The following RIC1 variants were observed in gnomAD, a reference collection of about 807,000 sequenced individuals.
RIC1 encodes RIC1 partner of RAB6A GEF complex.
A neutral mutation model predicts 169.0 loss-of-function variants in RIC1; 88 were observed. The observed-to-expected ratio is 0.52, with a 90% CI of 0.44 to 0.62. The LOEUF (loss-of-function observed/expected upper bound fraction) is 0.62. Among genes scored for constraint, RIC1 ranks in the 20% least tolerant of loss-of-function variants. The pLI is 0.00. For missense variants in RIC1, 1,877 were observed against 1,725.5 expected, an observed-to-expected ratio of 1.09 and a Z score of -1.56; for synonymous variants, 790 against 601.5, an observed-to-expected ratio of 1.31 and a Z score of -4.59.
In RIC1 at chr9:5,720,231, C is replaced by T. The variant is rs1823502773; in HGVS notation, c.490C>T (p.Leu164Phe). The part of the protein sequence containing the change: ...DLLVATSDGL[L>F]HLIHWEGMTN... ...CCTGGTTGCTACTTCTGATGGACTT[C>T]TTCATCTTATTCACTGGGAAGGAAT... is the stretch of plus-strand genomic sequence containing the variant. The change falls in exon 5 of 26, where the codon CTT becomes TTT. Residue 164 changes from leucine to phenylalanine, a missense_variant. Coordinates refer to ENST00000414202, the MANE Select transcript of RIC1 (RefSeq NM_020829.4). The T allele has an allele frequency of 2.5e-6, 4 of 1,613,234 alleles. No homozygotes were observed. The highest frequency in any genetic ancestry group is 3.4e-6 in the Non-Finnish European group (4 of 1,179,174).
chr9:5,744,074 C>T (rs1032351014), intron 10 of RIC1, among the ~76,000 whole-genome samples: 10 of 152,112 alleles, frequency 6.6e-5, no homozygotes, highest in African/African-American at 2.4e-4. Flanking sequence ...TTAGTCTCAG[C>T]AGACTCTTCA....
chr9:5,770,500 T>C (rs1827134761), intron 23 of RIC1, among the ~76,000 whole-genome samples: 1 of 152,212 alleles, frequency 6.6e-6, no homozygotes, highest in Non-Finnish European at 1.5e-5. Context: ...CAGATCAACA[T>C]TAATAGATGA....
Position 5,738,545 on chromosome 9 carries a change from CTTTTTTTTTTTT to C in RIC1, c.901+17_901+28del. ...ACAGCAAAACAGTATCCTGGTGAGT[CTTTTTTTTTTTT>C]TTTTTTTTTAACATTTTTAATGTAC... On this transcript the variant is annotated splice_region_variant and intron_variant, in intron 8 of 25. Transcript: ENST00000414202. 1 of 815,012 alleles carries C rather than the reference CTTTTTTTTTTTT, an allele frequency of 1.2e-6. No individual in the cohort carries two copies. Among genetic ancestry groups the C allele is most frequent in the African/African-American group, 2.2e-5 (1 of 45,418 alleles). 50.5% of individuals were successfully genotyped at this position (815,012 alleles called of 1,614,324 possible).
At position 5,763,970 on chromosome 9, in the gene RIC1, T is replaced by C; in HGVS notation, c.2841+102T>C. The C allele has an allele frequency of 1.5e-6, 2 of 1,311,784 alleles. No individual in the cohort carries two copies. Among genetic ancestry groups the C allele is most frequent in the Non-Finnish European group, 1.0e-6 (1 of 958,048 alleles). The allele number at this position is 1,311,784 out of a possible 1,614,324, so 81.3% of individuals were successfully genotyped here. ...ACCATGATTGTGTTTAAGGAATTCA[T>C]AGTCAAATTTTCTGTTTATATCTTT... On this transcript the variant is annotated intron_variant, in intron 19 of 25. Transcript: ENST00000414202. The surrounding 1 kb of genome is among the most constrained non-coding windows in gnomAD (Gnocchi z 5.2).
rs369891885 is a variant in RIC1 at position 5,648,069 on chromosome 9, A to G, written c.145-8514A>G. The stretch of plus-strand genomic sequence containing the variant: ...GTGATCTCGGCTTACTGCAACCGCC[A>G]CCTCCCGAGTTCAAGCAATTCTTCT... On this transcript the variant is annotated intron_variant, in intron 1 of 25. Transcript: ENST00000414202. 1.2e-4 allele frequency among the ~76,000 whole-genome samples: 17 copies of G among 146,098 alleles called. No homozygotes were observed. The East Asian group carries it at 2.2e-3, about 19-fold the overall frequency.
chr9:5,693,379 T>G (rs1821698819), intron 3 of RIC1, among the ~76,000 whole-genome samples: 1 of 152,152 alleles, frequency 6.6e-6, no homozygotes, highest in Non-Finnish European at 1.5e-5. Context: ...TGATCTTTCC[T>G]AGTTTCCACC....
rs531504574 is a variant in RIC1 at position 5,772,922 on chromosome 9, G to A, written c.3825G>A (p.Gly1275=). 9 of 1,612,734 alleles carry A rather than the reference G, an allele frequency of 5.6e-6. No individual in the cohort carries two copies. Among genetic ancestry groups the A allele is most frequent in the Non-Finnish European group, 7.6e-6 (9 of 1,179,528 alleles). ...TGCTACACATTTTCATGGAGGCAGG[G>A]TGCCTAGACTGGTGCATCGTTATAG... ...RYLLHIFMEA[G]CLDWCIVIGL... The change falls in exon 25 of 26, where the codon GGG becomes GGA. Residue 1275 remains glycine (G), a synonymous_variant. Transcript: ENST00000414202.
At chr9:5,745,721 TAG>T (rs1825336303) in intron 10 of RIC1, among the ~76,000 whole-genome samples, 1 of 152,202 alleles carries the variant, frequency 6.6e-6, no homozygotes, top group African/African-American at 2.4e-5. Flanking sequence ...CTTTTGCAGA[TAG>T]AGAGCAGTGA....
chr9:5,754,736 A>G lies in RIC1; in HGVS notation c.1603-105A>G, dbSNP rs183108414. The G allele has an allele frequency of 7.8e-3, 5,106 of 655,574 alleles. 30 individuals are homozygous for G. The highest frequency in any genetic ancestry group is 0.01 in the Non-Finnish European group (4,169 of 412,478). The allele number at this position is 655,574 out of a possible 1,614,324, so 40.6% of individuals were successfully genotyped here. On this transcript the variant is annotated intron_variant, in intron 14 of 25. Transcript: ENST00000414202. ...ACAGAGTGAGACTGTCTCAAAAAAT[A>G]ATAATAATTTGAGCTTTGTCTGGGT...
intron 12 of RIC1, among the ~76,000 whole-genome samples, chr9:5,749,830 G>C (rs1359142394): frequency 7.5e-6 from 1 of 132,826 alleles, no homozygotes; most frequent in Non-Finnish European, 1.5e-5. Flanking sequence ...CCAGGCTGGA[G>C]TGCAGTGGCG....
At position 5,769,116 on chromosome 9, in the gene RIC1, G is replaced by A; in HGVS notation, c.3284G>A (p.Cys1095Tyr). The change falls in exon 22 of 26, where the codon TGC becomes TAC. Residue 1095 changes from cysteine to tyrosine, a missense_variant. Around this residue, in one of 3 missense-constraint regions of RIC1, gnomAD observed 681 missense variants for 582.0 expected, o/e 1.17. Coordinates refer to ENST00000414202, the MANE Select transcript of RIC1 (RefSeq NM_020829.4). ...GGCTTTGAACTAATTAGTTGGCTAT[G>A]CAAGGAACGTACCCGAGCCGCCCGG... The part of the protein sequence containing the change: ...QLGFELISWL[C>Y]KERTRAARVD... 1 of 1,614,104 alleles carries A rather than the reference G, an allele frequency of 6.2e-7. No homozygotes were observed. Among genetic ancestry groups the A allele is most frequent in the Non-Finnish European group, 8.5e-7 (1 of 1,179,984 alleles).
Position 5,773,954 on chromosome 9 carries a change from A to T in RIC1, c.3984-4A>T. On this transcript the variant is annotated splice_region_variant and splice_polypyrimidine_tract_variant and intron_variant, in intron 25 of 25. Transcript: ENST00000414202. Reference sequence around the variant, plus strand: ...ATGAGCTAATGTTTTTTTTCTCTACATAGTCCTGGATATAAGCCATTTTTA... The same window carrying T: ...ATGAGCTAATGTTTTTTTTCTCTACTTAGTCCTGGATATAAGCCATTTTTA... 1 of 1,579,914 alleles carries T rather than the reference A, an allele frequency of 6.3e-7. No individual in the cohort carries two copies. The highest frequency in any genetic ancestry group is 1.9e-5 in the Admixed American group (1 of 53,338).
At chr9:5,753,473 T>C (rs1825836276) in intron 13 of RIC1, 63 bp from the exon 14 acceptor site, 1 of 999,454 alleles carries the variant, frequency 1.0e-6, no homozygotes, top group Admixed American at 2.3e-5. Context: ...AATACTAAGC[T>C]CTTTATGCCT....
intron 6 of RIC1, among the ~76,000 whole-genome samples, chr9:5,728,115 T>A (rs1824116595): frequency 6.6e-6 from 1 of 152,220 alleles, no homozygotes. Flanking sequence ...CTGCTGCCTT[T>A]TGTTCAGCTA....
In RIC1 at chr9:5,743,752, T is replaced by TAAA. The variant is rs754816807; in HGVS notation, c.1095+19_1095+21dup. ...TCAACTCTATGGTAAGTACTTTCTA[T>TAAA]AAAAAATTGGCATGGTATTAAAAAA... On this transcript the variant is annotated intron_variant, in intron 10 of 25. Coordinates refer to ENST00000414202, the MANE Select transcript of RIC1 (RefSeq NM_020829.4). 166 of 1,586,916 alleles carry TAAA rather than the reference T, an allele frequency of 1.0e-4. No individual in the cohort carries two copies. Among genetic ancestry groups the TAAA allele is most frequent in the Non-Finnish European group, 1.4e-4 (163 of 1,162,098 alleles).
chr9:5,773,851 C>T, intron 25 of RIC1, 107 bp from the exon 26 acceptor site: 2 of 1,059,366 alleles, frequency 1.9e-6, no homozygotes, highest in South Asian at 1.8e-5. Context: ...CCCTCCTAAT[C>T]TATCGTCGTC....
chr9:5,670,788 A>G (rs757147278), intron 2 of RIC1, among the ~76,000 whole-genome samples: 4 of 152,228 alleles, frequency 2.6e-5, no homozygotes, highest in African/African-American at 9.6e-5. Flanking sequence ...CAGAAGCGCC[A>G]TAGTTTTATT....
chr9:5,690,520 C>T (rs1821532211), intron 3 of RIC1, among the ~76,000 whole-genome samples: 1 of 150,162 alleles, frequency 6.7e-6, no homozygotes, highest in African/African-American at 2.4e-5. Context: ...TATAGCAGGC[C>T]TTAACTTTTG....
intron 3 of RIC1, among the ~76,000 whole-genome samples, chr9:5,708,110 C>G (rs1822702291): frequency 6.6e-6 from 1 of 151,996 alleles, no homozygotes; most frequent in Non-Finnish European, 1.5e-5. Flanking sequence ...TAACATCTTG[C>G]ATGTACAACA....
Sources: allele counts gnomAD v4.1 joint callset (sites outside exome capture counted in the v4.1 genomes callset), GRCh38; gene constraint gnomAD v4.1.1; regional missense constraint gnomAD v4.1.1; non-coding constraint Gnocchi (gnomAD v3.1); transcripts MANE v1.5; gene names NCBI Gene and HGNC (gene_info 2026-07-23, HGNC 2026-07-21).